The following BCL2 variants were observed in gnomAD, a reference collection of about 807,000 sequenced individuals.
The protein encoded by BCL2 is BCL2 apoptosis regulator.
A neutral mutation model predicts 14.2 loss-of-function variants in BCL2; 1 was observed. That is an observed-to-expected ratio of 0.07 (90% CI 0.02 to 0.33). The LOEUF is 0.33. Among genes scored for constraint, BCL2 ranks in the 10% least tolerant of loss-of-function variants. The pLI is 0.99. For missense variants in BCL2, 247 were observed against 305.9 expected (o/e 0.81, Z 1.44); for synonymous variants, 151 against 137.2 (o/e 1.10, Z -0.70).
intron 2 of BCL2, among the ~76,000 whole-genome samples, chr18:63,185,608 A>C (rs1296841552): frequency 6.6e-6 from 1 of 152,254 alleles, no homozygotes; most frequent in Non-Finnish European, 1.5e-5. Context: ...TAAGTAACCT[A>C]TCTAAAGTCA....
chr18:63,281,767 A>G (rs1450138776), intron 2 of BCL2, among the ~76,000 whole-genome samples: 1 of 152,200 alleles, frequency 6.6e-6, no homozygotes, highest in Non-Finnish European at 1.5e-5. Context: ...GAGAAAAAGA[A>G]AAGAAATAGT....
chr18:63,215,988 G>A (rs909182320), intron 2 of BCL2, among the ~76,000 whole-genome samples: 3 of 152,166 alleles, frequency 2.0e-5, no homozygotes, highest in African/African-American at 7.2e-5. Flanking sequence ...CCCAGAGGAG[G>A]TGCAAGCAGG....
intron 2 of BCL2, among the ~76,000 whole-genome samples, chr18:63,252,774 G>A (rs752730081): frequency 1.3e-5 from 2 of 152,090 alleles, no homozygotes; most frequent in African/African-American, 4.8e-5. Context: ...CCAGTCTAAG[G>A]TATATCTTTA....
intron 2 of BCL2, among the ~76,000 whole-genome samples, chr18:63,205,398 CTGTT>C (rs968607857): frequency 5.3e-5 from 8 of 152,230 alleles, no homozygotes; most frequent in African/African-American, 9.6e-5. Flanking sequence ...TGCTCAATAA[CTGTT>C]TGTTGAGTCA....
At chr18:63,139,309 G>T (rs1408072239) in intron 2 of BCL2, among the ~76,000 whole-genome samples, 2 of 152,222 alleles carry the variant, frequency 1.3e-5, no homozygotes, top group Non-Finnish European at 2.9e-5. Context: ...TAATAGTTAT[G>T]CTATTTGGTT....
chr18:63,159,692 G>A (rs1914869891), intron 2 of BCL2, among the ~76,000 whole-genome samples: 1 of 152,166 alleles, frequency 6.6e-6, no homozygotes, highest in South Asian at 2.1e-4. Flanking sequence ...TCAGGAAATA[G>A]AAGTCAAAAT....
intron 2 of BCL2, among the ~76,000 whole-genome samples, chr18:63,132,339 G>C (rs1025590088): frequency 6.6e-6 from 1 of 152,196 alleles, no homozygotes; most frequent in Admixed American, 6.6e-5. Flanking sequence ...CCTTGCTCTT[G>C]TCTGTCCTCT....
chr18:63,205,037 C>T (rs1420548382), intron 2 of BCL2, among the ~76,000 whole-genome samples: 1 of 152,012 alleles, frequency 6.6e-6, no homozygotes, highest in African/African-American at 2.4e-5. Context: ...GCGAGACTTT[C>T]CAATAAACAC....
At chr18:63,303,228 G>C (rs944935196) in intron 2 of BCL2, among the ~76,000 whole-genome samples, 4 of 152,200 alleles carry the variant, frequency 2.6e-5, no homozygotes, top group Admixed American at 2.6e-4. Flanking sequence ...CTGTGGGTTT[G>C]TTTTTCCAAC....
intron 2 of BCL2, among the ~76,000 whole-genome samples, chr18:63,167,745 G>A (rs1179095039): frequency 6.6e-6 from 1 of 152,086 alleles, no homozygotes; most frequent in Non-Finnish European, 1.5e-5. Context: ...GGCCAACATG[G>A]TGAAACCCTG....
chr18:63,292,731 G>A (rs866468485), intron 2 of BCL2, among the ~76,000 whole-genome samples: 1 of 152,220 alleles, frequency 6.6e-6, no homozygotes, highest in African/African-American at 2.4e-5. Context: ...CCTTGATTCT[G>A]GGAGTGAAAT....
rs1333176002 is a variant in BCL2 at position 63,213,046 on chromosome 18, G to A, written c.586-84287C>T. 2.0e-5 allele frequency among the ~76,000 whole-genome samples: 3 copies of A among 152,294 alleles called. No individual in the cohort carries two copies. In the South Asian group the frequency reaches 6.2e-4, roughly 32 times the overall value. ...ATTAGGACTAAGTGCTGAAGCCAGA[G>A]GTGACCCAAATTCTTAGGAGCAGAG... is the stretch of plus-strand genomic sequence containing the variant. On this transcript the variant is annotated intron_variant, in intron 2 of 2. Transcript: ENST00000333681.
At chr18:63,162,121 A>G (rs769497783) in intron 2 of BCL2, among the ~76,000 whole-genome samples, 14 of 152,228 alleles carry the variant, frequency 9.2e-5, no homozygotes, top group Non-Finnish European at 1.5e-4. Flanking sequence ...GAATGTGTCC[A>G]TTAGAGGAAA....
intron 2 of BCL2, among the ~76,000 whole-genome samples, chr18:63,260,623 A>G (rs1468697026): frequency 6.6e-6 from 1 of 152,180 alleles, no homozygotes; most frequent in Non-Finnish European, 1.5e-5. Flanking sequence ...CTTAAGGGTC[A>G]GGTTCGTTAC....
chr18:63,221,032 T>C (rs1291671467), intron 2 of BCL2, among the ~76,000 whole-genome samples: 1 of 152,310 alleles, frequency 6.6e-6, no homozygotes, highest in East Asian at 1.9e-4. Context: ...TGGATCTTGG[T>C]GTCTTGATAA....
intron 2 of BCL2, among the ~76,000 whole-genome samples, chr18:63,271,798 G>GCTGA (rs1772175863): frequency 6.6e-6 from 1 of 152,164 alleles, no homozygotes; most frequent in Non-Finnish European, 1.5e-5. Flanking sequence ...TGTAACAAGA[G>GCTGA]CTGACCTGGA....
intron 2 of BCL2, among the ~76,000 whole-genome samples, chr18:63,280,301 C>G (rs1429530630): frequency 1.3e-5 from 2 of 152,120 alleles, no homozygotes; most frequent in Non-Finnish European, 2.9e-5. Flanking sequence ...GTTTCCGTAT[C>G]TATTAAATGA....
At chr18:63,292,116 G>A (rs1486005857) in intron 2 of BCL2, among the ~76,000 whole-genome samples, 1 of 150,822 alleles carries the variant, frequency 6.6e-6, no homozygotes, top group African/African-American at 2.4e-5. Flanking sequence ...TAGTGGATAG[G>A]TTTGCATGTT....
chr18:63,281,348 C>A (rs1038778405), intron 2 of BCL2, among the ~76,000 whole-genome samples: 1 of 151,984 alleles, frequency 6.6e-6, no homozygotes, highest in East Asian at 1.9e-4. Context: ...CATTTTACCA[C>A]AATTTAAAAA....
Sources: allele counts gnomAD v4.1 joint callset (sites outside exome capture counted in the v4.1 genomes callset), GRCh38; gene constraint gnomAD v4.1.1; transcripts MANE v1.5; gene names NCBI Gene and HGNC (gene_info 2026-07-23, HGNC 2026-07-21).